Variants in CTNNA1 observed in about 807,000 individuals in gnomAD.
CTNNA1 encodes the protein catenin alpha-1.
Under a neutral mutation model 98.4 loss-of-function variants are expected in CTNNA1, and 37 were observed. The observed-to-expected ratio is 0.38, with a 90% confidence interval of 0.29 to 0.49. The LOEUF (loss-of-function observed/expected upper bound fraction) is 0.49. CTNNA1 is among the 20% of genes least tolerant of loss of function. The probability of loss-of-function intolerance (pLI) is 0.95; values close to 1 mark genes in which losing one functional copy is unlikely to be tolerated. For missense variants in CTNNA1, 761 were observed against 1,147.2 expected (o/e 0.66, Z 4.86); for synonymous variants, 404 against 413.2 (o/e 0.98, Z 0.27).
intron 7 of CTNNA1, among the ~76,000 whole-genome samples, chr5:138,876,149 T>C (rs1355858844): frequency 6.6e-6 from 1 of 152,198 alleles, no homozygotes; most frequent in Non-Finnish European, 1.5e-5. Context: ...AGTGATACCG[T>C]GTAGCTGGAT....
intron 7 of CTNNA1, among the ~76,000 whole-genome samples, chr5:138,876,726 TAAG>T (rs1474801739): frequency 6.6e-6 from 1 of 152,234 alleles, no homozygotes; most frequent in Non-Finnish European, 1.5e-5. Context: ...TGGGCAGATC[TAAG>T]AAGTAATTGT....
intron 1 of CTNNA1, chr5:138,754,366 G>A (rs573573950): frequency 2.6e-5 from 4 of 152,184 alleles, no homozygotes; most frequent in African/African-American, 9.6e-5. Context: ...TCCCAGTAAT[G>A]CAGGCGGCGG....
At chr5:138,779,576 C>T (rs1172589558) in intron 1 of CTNNA1, among the ~76,000 whole-genome samples, 3 of 152,108 alleles carry the variant, frequency 2.0e-5, no homozygotes, top group Non-Finnish European at 4.4e-5. Context: ...CTGTGTGGCC[C>T]AGGCTGGTCT....
intron 9 of CTNNA1, among the ~76,000 whole-genome samples, chr5:138,895,458 GA>G (rs755605572): frequency 3.3e-5 from 5 of 151,174 alleles, no homozygotes; most frequent in Non-Finnish European, 7.4e-5. Flanking sequence ...AAAATTTGGA[GA>G]TTTTTTTTGA....
At chr5:138,915,738 A>G (rs1415679561) in intron 10 of CTNNA1, among the ~76,000 whole-genome samples, 1 of 152,252 alleles carries the variant, frequency 6.6e-6, no homozygotes, top group African/African-American at 2.4e-5. Flanking sequence ...AAAAGGGAAC[A>G]AAGTACTGGT....
intron 9 of CTNNA1, among the ~76,000 whole-genome samples, chr5:138,893,133 C>T (rs1755875903): frequency 6.6e-6 from 1 of 152,144 alleles, no homozygotes; most frequent in African/African-American, 2.4e-5. Flanking sequence ...CCCAGCTCTC[C>T]TCTGAATGCC....
intron 7 of CTNNA1, among the ~76,000 whole-genome samples, chr5:138,859,791 G>A (rs1016541490): frequency 2.0e-5 from 3 of 152,010 alleles, no homozygotes; most frequent in Admixed American, 2.0e-4. Flanking sequence ...ACCTGTAGTC[G>A]CAGCTACTTG....
At chr5:138,921,473 G>A (rs930438142) in intron 11 of CTNNA1, among the ~76,000 whole-genome samples, 4 of 152,086 alleles carry the variant, frequency 2.6e-5, no homozygotes, top group African/African-American at 9.7e-5. Flanking sequence ...TGGTCTGATT[G>A]GGAGGTCATT....
At chr5:138,763,807 T>A (rs1752612878) in intron 1 of CTNNA1, among the ~76,000 whole-genome samples, 1 of 151,986 alleles carries the variant, frequency 6.6e-6, no homozygotes, top group Admixed American at 6.5e-5. Flanking sequence ...TCATGAGGGA[T>A]TCATTTGTTG....
chr5:138,823,086 A>G (rs1760198663), intron 5 of CTNNA1, among the ~76,000 whole-genome samples: 1 of 152,252 alleles, frequency 6.6e-6, no homozygotes, highest in Non-Finnish European at 1.5e-5. Context: ...TTTAACATGT[A>G]AAATAAGAGT....
chr5:138,853,401 G>T (rs1167835785), intron 7 of CTNNA1, among the ~76,000 whole-genome samples: 2 of 151,584 alleles, frequency 1.3e-5, no homozygotes, highest in Admixed American at 1.3e-4. Context: ...TTCTTTGCCG[G>T]AGCTCTTGGT....
Position 138,868,186 on chromosome 5 carries a change from G to A in CTNNA1, c.1063-18026G>A, listed in dbSNP as rs553857394. 1.8e-4 allele frequency among the ~76,000 whole-genome samples: 28 copies of A among 152,260 alleles called. No individual in the cohort carries two copies. The South Asian group carries it at 4.1e-3, about 23-fold the overall frequency. On this transcript the variant is annotated intron_variant, in intron 7 of 17. Coordinates refer to ENST00000302763, the MANE Select transcript of CTNNA1 (RefSeq NM_001903.5). ...ATGTGTTATCTAATATGGACTGACC[G>A]TTTATGTTATCAGTAATGCTTCTAG...
intron 1 of CTNNA1, among the ~76,000 whole-genome samples, chr5:138,764,145 A>G (rs141654752): frequency 0.011 from 1,667 of 152,282 alleles, 26 homozygotes; most frequent in African/African-American, 0.038. Flanking sequence ...AGATTGTGCC[A>G]TTGCACTCCA....
chr5:138,800,419 G>A (rs992696026), intron 3 of CTNNA1, among the ~76,000 whole-genome samples: 1 of 152,182 alleles, frequency 6.6e-6, no homozygotes, highest in Non-Finnish European at 1.5e-5. Context: ...TACTTTAAGA[G>A]AGATGTGGCT....
chr5:138,930,116 C>T (rs1178617882), intron 14 of CTNNA1, among the ~76,000 whole-genome samples: 2 of 152,178 alleles, frequency 1.3e-5, no homozygotes, highest in Non-Finnish European at 2.9e-5. Flanking sequence ...CATCAGGGCC[C>T]ACCAGGGAAA....
rs1013198396 is a variant in CTNNA1, at chr5:138,810,285, G to A, written c.468+81G>A. The A allele has an allele frequency of 2.1e-5, 32 of 1,499,996 alleles. 1 individual carries two copies. Among genetic ancestry groups the A allele is most frequent in the Non-Finnish European group, 2.9e-5 (32 of 1,097,014 alleles). The allele number at this position is 1,499,996 out of a possible 1,614,324, so 92.9% of individuals were successfully genotyped here. The stretch of plus-strand genomic sequence containing the variant: ...GCCTTCCTTAGTTCAGTATTCCTTA[G>A]GATTTAGTTTGGTTTTGAATTTGGT... On this transcript the variant is annotated intron_variant, in intron 4 of 17. Coordinates refer to ENST00000302763, the MANE Select transcript of CTNNA1 (RefSeq NM_001903.5).
At chr5:138,824,162 A>G (rs146056117) in intron 5 of CTNNA1, among the ~76,000 whole-genome samples, 7 of 152,202 alleles carry the variant, frequency 4.6e-5, no homozygotes, top group Admixed American at 4.6e-4. Context: ...GTGCTGTGCT[A>G]AGTACTTTAC....
chr5:138,796,413 G>A (rs1444887144), intron 3 of CTNNA1, among the ~76,000 whole-genome samples: 2 of 152,042 alleles, frequency 1.3e-5, no homozygotes, highest in Non-Finnish European at 2.9e-5. Context: ...GCGCGGTGGC[G>A]GGCACCTGTA....
At chr5:138,932,024 T>G in intron 16 of CTNNA1, 1 of 985,632 alleles carries the variant, frequency 1.0e-6, no homozygotes, top group Non-Finnish European at 1.2e-6. Flanking sequence ...TCTTTGACCA[T>G]CCCCAACTGC....
Sources: gnomAD v4.1 joint callset for allele counts (sites outside exome capture counted in the v4.1 genomes callset) on GRCh38, gnomAD v4.1.1 for gene constraint, MANE v1.5 for transcripts, NCBI Gene and HGNC (gene_info 2026-07-23, HGNC 2026-07-21) for gene names.